The following TMEM131L variants were observed in gnomAD, a reference collection of about 807,000 sequenced individuals.
TMEM131L encodes transmembrane protein 131-like.
Under a neutral mutation model 192.2 loss-of-function variants are expected in TMEM131L, and 54 were observed. The observed-to-expected ratio is 0.28, with a 90% CI of 0.23 to 0.35. The LOEUF (loss-of-function observed/expected upper bound fraction) is 0.35, where lower values mean the gene tolerates loss of function less well. Ranked by LOEUF, TMEM131L falls within the 10% of genes least tolerant of loss-of-function variation. The pLI is 1.00. For missense variants in TMEM131L, 1,888 were observed against 1,972.9 expected (o/e 0.96, Z 0.82); for synonymous variants, 701 against 704.9 (o/e 0.99, Z 0.09).
intron 31 of TMEM131L, among the ~76,000 whole-genome samples, chr4:153,631,565 C>T (rs989134088): frequency 6.6e-6 from 1 of 152,184 alleles, no homozygotes; most frequent in Non-Finnish European, 1.5e-5. Flanking sequence ...CATGCCTGCC[C>T]TTTGCTCCAG....
intron 3 of TMEM131L, among the ~76,000 whole-genome samples, chr4:153,488,815 G>A (rs1471703972): frequency 2.0e-5 from 3 of 152,186 alleles, no homozygotes; most frequent in African/African-American, 7.2e-5. Context: ...AACCCTCGGG[G>A]AGTCCGCCCT....
chr4:153,602,410 A>G, intron 22 of TMEM131L, 72 bp downstream of exon 22: 1 of 1,546,530 alleles, frequency 6.5e-7, no homozygotes, highest in Non-Finnish European at 8.8e-7. Flanking sequence ...AACTTTTTCT[A>G]TTGTTAAGAC....
At chr4:153,545,454 A>AT (rs1254250989) in intron 3 of TMEM131L, among the ~76,000 whole-genome samples, 18 of 151,698 alleles carry the variant, frequency 1.2e-4, no homozygotes, top group African/African-American at 3.6e-4. Context: ...TGCCTGACTA[A>AT]TTTTTTGTAT....
intron 3 of TMEM131L, among the ~76,000 whole-genome samples, chr4:153,528,618 A>G (rs1443265122): frequency 6.6e-6 from 1 of 152,222 alleles, no homozygotes; most frequent in Non-Finnish European, 1.5e-5. Flanking sequence ...TACTTTCCCT[A>G]AAATAACAGA....
intron 34 of TMEM131L, 118 bp downstream of exon 34, chr4:153,635,689 C>G (rs1734521674): frequency 8.3e-7 from 1 of 1,201,860 alleles, no homozygotes; most frequent in South Asian, 1.5e-5. Context: ...CAAAGCCTGG[C>G]TTGCTTCTTT....
At chr4:153,590,386 G>A (rs36068308) in intron 16 of TMEM131L, among the ~76,000 whole-genome samples, 40,555 of 152,118 alleles carry the variant, frequency 0.27, 5,772 homozygotes, top group Non-Finnish European at 0.33. Context: ...CAGGAAGTAC[G>A]TAAATGTCAG....
rs1203402131 is a variant in TMEM131L, at chr4:153,612,252, G to A, written c.3419G>A (p.Gly1140Glu). The A allele has an allele frequency of 2.0e-6, 3 of 1,537,780 alleles. 1 individual carries two copies. The highest frequency in any genetic ancestry group is 1.4e-5 in the African/African-American group (1 of 71,200). The change falls in exon 26 of 35, where the codon GGG (glycine) becomes GAG (glutamate). Residue 1140 changes from glycine (G) to glutamate (E), a missense_variant and splice_region_variant. By Grantham distance (98) the Gly-to-Glu change is moderately conservative. Transcript: ENST00000409959. ...ATTGAATTGTTTTTGTTTATTAAAGGGAATAACCAGCAAGTACCTGTCAAG... is the reference window on the plus strand; with the variant it reads ...ATTGAATTGTTTTTGTTTATTAAAGAGAATAACCAGCAAGTACCTGTCAAG... The part of the protein sequence containing the change: ...DLPEISRKNN[G>E]NNQQVPVKNE...
At chr4:153,505,920 T>A (rs754518839) in intron 3 of TMEM131L, among the ~76,000 whole-genome samples, 3 of 152,130 alleles carry the variant, frequency 2.0e-5, no homozygotes, top group Non-Finnish European at 4.4e-5. Flanking sequence ...GCAGGGGGCT[T>A]GTTTTGTGTG....
chr4:153,604,176 A>G lies in TMEM131L; in HGVS notation c.3164A>G (p.Asn1055Ser). 1 of 1,614,184 alleles carries G rather than the reference A, an allele frequency of 6.2e-7. No individual in the cohort carries two copies. Among genetic ancestry groups the G allele is most frequent in the Non-Finnish European group, 8.5e-7 (1 of 1,180,026 alleles). Reference protein sequence around the residue: ...KNLTLPKNLLNKEENTLKNTI... With the variant: ...KNLTLPKNLLSKEENTLKNTI... ...TTAACCCTTCCCAAAAACTTACTGA[A>G]TAAAGAAGAAAACACACTGAAAAAC... The change falls in exon 25 of 35, where the codon AAT becomes AGT. Residue 1055 changes from asparagine (N) to serine (S), a missense_variant. By Grantham distance (46) the Asn-to-Ser change is conservative (BLOSUM62 1). Coordinates refer to ENST00000409959, the MANE Select transcript of TMEM131L (RefSeq NM_001131007.2).
At chr4:153,584,226 A>G (rs570868958) in intron 11 of TMEM131L, among the ~76,000 whole-genome samples, 2 of 152,332 alleles carry the variant, frequency 1.3e-5, no homozygotes, top group Non-Finnish European at 2.9e-5. Flanking sequence ...CTGTGTACTT[A>G]TACATGCACA....
At position 153,555,956 on chromosome 4, in the gene TMEM131L, A is replaced by C; in HGVS notation, c.432+46A>C. On this transcript the variant is annotated intron_variant, in intron 5 of 34. Transcript: ENST00000409959. The surrounding 1 kb of genome is among the most constrained non-coding windows in gnomAD (Gnocchi z 4.1). ...GGAAACTATGCCGTGGCAGGCAGCC[A>C]GGTTTTCTTGCTTTCTTTGGCCTGA... 1.3e-6 allele frequency: 2 copies of C among 1,541,584 alleles called. No homozygotes were observed. The highest frequency in any genetic ancestry group is 2.4e-5 in the South Asian group (2 of 82,754).
At chr4:153,559,355 A>G (rs771357027) in intron 7 of TMEM131L, among the ~76,000 whole-genome samples, 10 of 152,170 alleles carry the variant, frequency 6.6e-5, no homozygotes, top group African/African-American at 9.7e-5. Context: ...GCAAATTTAT[A>G]TTTGGTTTAA....
chr4:153,503,019 C>T (rs755861606), intron 3 of TMEM131L, among the ~76,000 whole-genome samples: 1 of 151,906 alleles, frequency 6.6e-6, no homozygotes, highest in Non-Finnish European at 1.5e-5. Flanking sequence ...TTCCTATTGA[C>T]CCAAATACTT....
chr4:153,521,365 C>T (rs748612663), intron 3 of TMEM131L, among the ~76,000 whole-genome samples: 2 of 152,180 alleles, frequency 1.3e-5, no homozygotes, highest in Non-Finnish European at 2.9e-5. Context: ...TCTTGATGTT[C>T]TAGCTAGGAA....
rs1732677663 is a variant in TMEM131L, at chr4:153,612,320, A to C, written c.3487A>C (p.Lys1163Gln). 6.3e-7 allele frequency: 1 copy of C among 1,599,852 alleles called. No individual in the cohort carries two copies. Among genetic ancestry groups the C allele is most frequent in the Admixed American group, 1.7e-5 (1 of 57,952 alleles). Residue 1163 changes from lysine (K) to glutamine (Q), a missense_variant, in exon 26 of 35, where the codon AAG (lysine) becomes CAG (glutamine). Coordinates refer to ENST00000409959, the MANE Select transcript of TMEM131L (RefSeq NM_001131007.2). ...HCENLKKVDT[K>Q]PSSEKKIHKT... Reference sequence around the variant, plus strand: ...TGAAAATTTGAAGAAGGTGGACACAAAGCCTTCTTCAGAAAAGAAGATTCA... The same window carrying C: ...TGAAAATTTGAAGAAGGTGGACACACAGCCTTCTTCAGAAAAGAAGATTCA...
Position 153,603,389 on chromosome 4 carries a change from A to G in TMEM131L, c.2726A>G (p.Asn909Ser). The G allele has an allele frequency of 6.2e-7, 1 of 1,614,050 alleles. No homozygotes were observed. The highest frequency in any genetic ancestry group is 8.5e-7 in the Non-Finnish European group (1 of 1,179,948). The stretch of plus-strand genomic sequence containing the variant: ...TTCATGAAAACAAGACAGAGGCAAA[A>G]TGCTAGCTCCTCTTCACAGCAAAAC... Reference protein sequence around the residue: ...MEFMKTRQRQNASSSSQQNNG... With the variant: ...MEFMKTRQRQSASSSSQQNNG... The change falls in exon 24 of 35, where the codon AAT becomes AGT. Residue 909 changes from asparagine to serine, a missense_variant. Coordinates refer to ENST00000409959, the MANE Select transcript of TMEM131L (RefSeq NM_001131007.2).
intron 3 of TMEM131L, among the ~76,000 whole-genome samples, chr4:153,547,194 T>A (rs1320993099): frequency 6.6e-6 from 1 of 152,210 alleles, no homozygotes; most frequent in Non-Finnish European, 1.5e-5. Flanking sequence ...AAATAGAGTT[T>A]TCTTTGAAGT....
At chr4:153,508,939 C>T (rs1734169251) in intron 3 of TMEM131L, among the ~76,000 whole-genome samples, 1 of 152,018 alleles carries the variant, frequency 6.6e-6, no homozygotes, top group African/African-American at 2.4e-5. Context: ...CCACCACGCC[C>T]AGCCTAGTGT....
intron 3 of TMEM131L, among the ~76,000 whole-genome samples, chr4:153,545,964 G>C (rs1737142006): frequency 6.6e-6 from 1 of 152,048 alleles, no homozygotes; most frequent in South Asian, 2.1e-4. Context: ...GCTCCCTGCA[G>C]CTTTGAACTC....
Sources: gnomAD v4.1 joint callset for allele counts (sites outside exome capture counted in the v4.1 genomes callset) on GRCh38, gnomAD v4.1.1 for gene constraint, Gnocchi (gnomAD v3.1) non-coding constraint, MANE v1.5 for transcripts, NCBI Gene and HGNC (gene_info 2026-07-23, HGNC 2026-07-21) for gene names.